ATP8A1: variants seen among roughly 807,000 people sequenced by gnomAD.
ATP8A1 encodes the protein ATPase phospholipid transporting 8A1, also known as phospholipid-transporting ATPase IA.
In ATP8A1, 90 loss-of-function variants were observed where a neutral mutation model predicts 177.7. The observed-to-expected ratio is 0.51, with a 90% confidence interval of 0.43 to 0.60. The LOEUF (loss-of-function observed/expected upper bound fraction) is 0.60. Among genes scored for constraint, ATP8A1 ranks in the 20% least tolerant of loss-of-function variants. The probability of loss-of-function intolerance (pLI) is 0.00; values close to 1 mark genes in which losing one functional copy is unlikely to be tolerated. For synonymous variants in ATP8A1, 493 were observed against 485.9 expected, an observed-to-expected ratio of 1.01 and a Z score of -0.19; for missense variants, 1,072 against 1,392.8, an observed-to-expected ratio of 0.77 and a Z score of 3.67.
intron 25 of ATP8A1, among the ~76,000 whole-genome samples, chr4:42,475,759 C>T (rs935831007): frequency 5.9e-5 from 9 of 152,038 alleles, no homozygotes; most frequent in South Asian, 2.1e-4. Context: ...AAACCAGGGC[C>T]GGGCTGGGTG....
intron 33 of ATP8A1, among the ~76,000 whole-genome samples, chr4:42,427,042 G>C (rs1384148533): frequency 3.3e-5 from 5 of 152,160 alleles, no homozygotes; most frequent in Admixed American, 3.3e-4. Flanking sequence ...AACTTCCAGA[G>C]TAGTTGCGTT....
chr4:42,431,733 T>C (rs1166845048), intron 33 of ATP8A1, among the ~76,000 whole-genome samples: 4 of 152,342 alleles, frequency 2.6e-5, no homozygotes, highest in Non-Finnish European at 4.4e-5. Flanking sequence ...TCTTCAGAGA[T>C]GATTTGTACC....
At chr4:42,508,743 T>C (rs1192072118) in intron 22 of ATP8A1, among the ~76,000 whole-genome samples, 1 of 152,248 alleles carries the variant, frequency 6.6e-6, no homozygotes, top group African/African-American at 2.4e-5. Context: ...CATTTATCTT[T>C]CTTCTCAATC....
intron 29 of ATP8A1, among the ~76,000 whole-genome samples, chr4:42,453,237 G>C (rs189339002): frequency 6.6e-6 from 1 of 152,208 alleles, no homozygotes; most frequent in Admixed American, 6.5e-5. Context: ...CATCATTCAG[G>C]GCAACAATGC....
At chr4:42,437,891 C>T (rs568051524) in intron 33 of ATP8A1, among the ~76,000 whole-genome samples, 28 of 152,128 alleles carry the variant, frequency 1.8e-4, no homozygotes, top group African/African-American at 5.3e-4. Context: ...GCAGAATGAG[C>T]GGAAGCAAAA....
chr4:42,429,372 A>T (rs1714999437), intron 33 of ATP8A1, among the ~76,000 whole-genome samples: 1 of 151,402 alleles, frequency 6.6e-6, no homozygotes, highest in South Asian at 2.1e-4. Flanking sequence ...GATACCTGGA[A>T]ATAAAAGTGT....
chr4:42,417,562 G>C (rs1713386252), intron 35 of ATP8A1, among the ~76,000 whole-genome samples: 2 of 152,152 alleles, frequency 1.3e-5, no homozygotes, highest in African/African-American at 2.4e-5. Context: ...TGAATATAAA[G>C]ATAACATGTT....
At chr4:42,581,350 A>G (rs747133520) in intron 10 of ATP8A1, among the ~76,000 whole-genome samples, 31 of 152,170 alleles carry the variant, frequency 2.0e-4, no homozygotes, top group Middle Eastern at 3.4e-3. Flanking sequence ...AGCCAGCATG[A>G]TCTTGATCTC....
At chr4:42,438,073 G>T (rs999441242) in intron 33 of ATP8A1, among the ~76,000 whole-genome samples, 1 of 152,168 alleles carries the variant, frequency 6.6e-6, no homozygotes, top group African/African-American at 2.4e-5. Flanking sequence ...TTAAATTAAA[G>T]TTGATAAGTC....
intron 5 of ATP8A1, among the ~76,000 whole-genome samples, chr4:42,602,073 T>TA (rs1314078458): frequency 2.6e-5 from 4 of 152,128 alleles, no homozygotes; most frequent in Admixed American, 2.6e-4. Context: ...AATTAATGAA[T>TA]ACCTCACAGT....
chr4:42,630,858 T>C (rs1391074290), intron 1 of ATP8A1, among the ~76,000 whole-genome samples: 1 of 152,234 alleles, frequency 6.6e-6, no homozygotes, highest in Non-Finnish European at 1.5e-5. Context: ...GTTACTTACT[T>C]TCACTAGGCT....
chr4:42,553,391 A>T (rs1729706677), intron 16 of ATP8A1, among the ~76,000 whole-genome samples: 1 of 152,178 alleles, frequency 6.6e-6, no homozygotes, highest in Non-Finnish European at 1.5e-5. Flanking sequence ...CCTCTCCAAA[A>T]ATGGTAACTT....
intron 24 of ATP8A1, among the ~76,000 whole-genome samples, chr4:42,493,798 G>A (rs116666408): frequency 2.4e-3 from 358 of 152,218 alleles, no homozygotes; most frequent in African/African-American, 8.3e-3. Flanking sequence ...GATAAGATGT[G>A]CTAACTCCTT....
At chr4:42,647,666 TTTTA>T (rs1179346552) in intron 1 of ATP8A1, among the ~76,000 whole-genome samples, 32 of 152,056 alleles carry the variant, frequency 2.1e-4, no homozygotes, top group African/African-American at 6.8e-4. Context: ...GTGGCTCACG[TTTTA>T]TTTCTTTTAG....
chr4:42,518,492 G>A (rs974191351), intron 22 of ATP8A1, among the ~76,000 whole-genome samples: 1 of 152,164 alleles, frequency 6.6e-6, no homozygotes, highest in African/African-American at 2.4e-5. Flanking sequence ...GCAAGGTGGA[G>A]GCTGAGGGGA....
At chr4:42,461,371 G>GCCA in intron 27 of ATP8A1, among the ~76,000 whole-genome samples, 3 of 151,636 alleles carry the variant, frequency 2.0e-5, no homozygotes, top group Non-Finnish European at 2.9e-5. Flanking sequence ...GGGAGGGACT[G>GCCA]GTGGGAGGTA....
rs1553879352 is a variant in ATP8A1 at position 42,464,920 on chromosome 4, A to G, written c.2481T>C (p.Ala827=). The change falls in exon 26 of 37, where the codon GCT becomes GCC. Residue 827 remains alanine (A), a synonymous_variant. Transcript: ENST00000381668. ...GISGNEGLQA[A]NSSDYSIAQF... ...GAGCTATGGAGTAGTCAGAGGAATT[A>G]GCTGCCTGCAGGCCTTCATTGCCAC... The G allele has an allele frequency of 6.2e-7, 1 of 1,614,226 alleles. No individual in the cohort carries two copies. The highest frequency in any genetic ancestry group is 8.5e-7 in the Non-Finnish European group (1 of 1,180,018).
intron 27 of ATP8A1, among the ~76,000 whole-genome samples, chr4:42,460,493 G>A (rs1390042635): frequency 6.8e-6 from 1 of 148,064 alleles, no homozygotes; most frequent in Non-Finnish European, 1.5e-5. Context: ...GTTCAAATGA[G>A]TCTCCTGCCT....
Position 42,455,370 on chromosome 4 carries a change from C to T in ATP8A1, c.2744G>A (p.Cys915Tyr). Reference protein sequence around the residue: ...PLTLGIFERSCRKENMLKYPE... With the variant: ...PLTLGIFERSYRKENMLKYPE... ...GTACTTCAACATGTTCTCTTTTCTG[C>T]ATGATCTCTCAAATATTCCAAGAGT... The change falls in exon 29 of 37, where the codon TGC becomes TAC. Residue 915 changes from cysteine to tyrosine, a missense_variant. Cys to Tyr is a radical substitution (Grantham distance 194). Transcript: ENST00000381668. The T allele has an allele frequency of 1.2e-6, 2 of 1,613,914 alleles. No individual in the cohort carries two copies. The highest frequency in any genetic ancestry group is 1.7e-6 in the Non-Finnish European group (2 of 1,179,822).
Sources: allele counts gnomAD v4.1 joint callset (sites outside exome capture counted in the v4.1 genomes callset), GRCh38; gene constraint gnomAD v4.1.1; transcripts MANE v1.5; gene names NCBI Gene and HGNC (gene_info 2026-07-23, HGNC 2026-07-21).